MSI2: variants seen among roughly 807,000 people sequenced by gnomAD.
The protein encoded by MSI2 is musashi RNA binding protein 2, also known as RNA-binding protein Musashi homolog 2.
Under a neutral mutation model 45.6 loss-of-function variants are expected in MSI2, and 17 were observed. That is an observed-to-expected ratio of 0.37 (90% CI 0.26 to 0.56). The LOEUF (loss-of-function observed/expected upper bound fraction) is 0.56. Ranked by LOEUF, MSI2 falls within the 20% of genes least tolerant of loss-of-function variation. MSI2 has a pLI of 0.77. For synonymous variants in MSI2, 156 were observed against 158.2 expected (o/e 0.99, Z 0.11); for missense variants, 293 against 444.2 (o/e 0.66, Z 3.06).
chr17:57,267,872 T>C (rs563480675), intron 5 of MSI2: 1 of 152,306 alleles, frequency 6.6e-6, no homozygotes, highest in African/African-American at 2.4e-5. Flanking sequence ...CTTCTAGTTT[T>C]TGCTGCCTTG....
intron 9 of MSI2, among the ~76,000 whole-genome samples, chr17:57,622,376 CT>C (rs1163358091): frequency 6.6e-6 from 1 of 152,230 alleles, no homozygotes; most frequent in African/African-American, 2.4e-5. Flanking sequence ...TTTTATTTCT[CT>C]GAGCCTTCTC....
At chr17:57,298,625 C>T (rs1009981673) in intron 5 of MSI2, among the ~76,000 whole-genome samples, 3 of 152,036 alleles carry the variant, frequency 2.0e-5, no homozygotes, top group African/African-American at 7.3e-5. Flanking sequence ...TGCACCGTTG[C>T]ATTCTAGCCT....
intron 5 of MSI2, among the ~76,000 whole-genome samples, chr17:57,338,175 C>T (rs1397405596): frequency 6.6e-6 from 1 of 152,056 alleles, no homozygotes; most frequent in African/African-American, 2.4e-5. Context: ...CTACAACCTC[C>T]ACCTCCTGGG....
intron 5 of MSI2, among the ~76,000 whole-genome samples, chr17:57,282,308 A>G (rs893228957): frequency 2.6e-5 from 4 of 152,196 alleles, no homozygotes; most frequent in Non-Finnish European, 5.9e-5. Flanking sequence ...TCAGGAATCC[A>G]GAAGTTTCTA....
At chr17:57,632,233 G>GGT in intron 10 of MSI2, 1 of 1,100,400 alleles carries the variant, frequency 9.1e-7, no homozygotes, top group Non-Finnish European at 1.1e-6. Flanking sequence ...TTGAAGTGCT[G>GGT]GTGGTCCAGA....
chr17:57,600,317 A>G (rs1371695514), intron 8 of MSI2, among the ~76,000 whole-genome samples: 1 of 152,194 alleles, frequency 6.6e-6, no homozygotes, highest in Non-Finnish European at 1.5e-5. Context: ...AGATAGCTGC[A>G]CCCCCTGGTA....
chr17:57,587,306 C>CT (rs1904386683), intron 7 of MSI2, among the ~76,000 whole-genome samples: 1 of 152,192 alleles, frequency 6.6e-6, no homozygotes, highest in South Asian at 2.1e-4. Flanking sequence ...TGGCGCCTGA[C>CT]TTTTAGAAGG....
intron 10 of MSI2, chr17:57,629,364 G>C (rs1397088239): frequency 1.3e-5 from 2 of 150,266 alleles, no homozygotes; most frequent in Non-Finnish European, 3.0e-5. Context: ...AGGAGGCAGA[G>C]GTTGCAGTGA....
At chr17:57,466,511 C>T (rs1169436684) in intron 6 of MSI2, among the ~76,000 whole-genome samples, 1 of 152,186 alleles carries the variant, frequency 6.6e-6, no homozygotes, top group Non-Finnish European at 1.5e-5. Flanking sequence ...AGGTTTTTCC[C>T]ACTTACTTCT....
At chr17:57,655,415 T>C (rs939977583) in intron 11 of MSI2, among the ~76,000 whole-genome samples, 2 of 152,088 alleles carry the variant, frequency 1.3e-5, no homozygotes, top group African/African-American at 4.8e-5. Context: ...ATATTCAGGG[T>C]ATTTTAGTTT....
At position 57,675,040 on chromosome 17, in the gene MSI2, G is replaced by C; in HGVS notation, c.859G>C (p.Gly287Arg). The C allele has an allele frequency of 6.2e-7, 1 of 1,614,046 alleles. No individual in the cohort carries two copies. Among genetic ancestry groups the C allele is most frequent in the Non-Finnish European group, 8.5e-7 (1 of 1,180,024 alleles). Residue 287 changes from glycine (G) to arginine (R), a missense_variant, in exon 12 of 14, where the codon GGC becomes CGC. By Grantham distance (125) the Gly-to-Arg change is moderately radical (BLOSUM62 -2). Transcript: ENST00000284073. ...NSPGPVADLYGPASQDSGVGN... is the reference protein window; with the variant it reads ...NSPGPVADLYRPASQDSGVGN... Reference sequence around the variant, plus strand: ...CCCAGGACCTGTCGCCGATCTCTACGGCCCTGCCAGCCAGGACTCCGGAGT... The same window carrying C: ...CCCAGGACCTGTCGCCGATCTCTACCGCCCTGCCAGCCAGGACTCCGGAGT...
chr17:57,530,545 C>T (rs780395375), intron 7 of MSI2, among the ~76,000 whole-genome samples: 5 of 152,162 alleles, frequency 3.3e-5, no homozygotes, highest in Non-Finnish European at 7.3e-5. Flanking sequence ...TCCGGAAGCT[C>T]AGGTTTCTGG....
chr17:57,529,611 A>G lies in MSI2; in HGVS notation c.406-65A>G. The G allele has an allele frequency of 4.8e-6, 7 of 1,445,828 alleles. No homozygotes were observed. Among genetic ancestry groups the G allele is most frequent in the South Asian group, 1.2e-5 (1 of 86,660 alleles). The allele number at this position is 1,445,828 out of a possible 1,614,324, so 89.6% of individuals were successfully genotyped here. A position where few individuals can be genotyped will look rare whatever the true frequency, so the allele number is the denominator to read the frequency against. ...ACTACCCCCTCACCCCCCGACATGC[A>G]TATAATGTTTTGTGTACTTTCTTAA... On this transcript the variant is annotated intron_variant, in intron 6 of 13. Coordinates refer to ENST00000284073, the MANE Select transcript of MSI2 (RefSeq NM_138962.4). The surrounding 1 kb of genome is among the most constrained non-coding windows in gnomAD (Gnocchi z 5.3).
chr17:57,610,430 C>T (rs1190220603), intron 8 of MSI2, among the ~76,000 whole-genome samples: 1 of 151,278 alleles, frequency 6.6e-6, no homozygotes, highest in Non-Finnish European at 1.5e-5. Context: ...CCAGCCTGAG[C>T]GACACAGCAA....
At chr17:57,277,144 C>T (rs977009114) in intron 5 of MSI2, among the ~76,000 whole-genome samples, 2 of 151,394 alleles carry the variant, frequency 1.3e-5, no homozygotes, top group Non-Finnish European at 2.9e-5. Flanking sequence ...CAGCCTCCGC[C>T]TCCTGGGTTC....
At chr17:57,368,412 TG>T in intron 5 of MSI2, among the ~76,000 whole-genome samples, 1 of 152,024 alleles carries the variant, frequency 6.6e-6, no homozygotes, top group Non-Finnish European at 1.5e-5. Context: ...AAAAATTAGC[TG>T]GTCATGGTGG....
chr17:57,451,465 C>T (rs1018083507), intron 6 of MSI2, among the ~76,000 whole-genome samples: 1 of 152,206 alleles, frequency 6.6e-6, no homozygotes, highest in Non-Finnish European at 1.5e-5. Flanking sequence ...ATCAGCCCAT[C>T]GTGGGCTCCC....
Position 57,596,725 on chromosome 17 carries a change from TCAAGGTCCTCC to T in MSI2, c.455-137_455-127del. 1.6e-6 allele frequency: 1 copy of T among 635,150 alleles called. No individual in the cohort carries two copies. Among genetic ancestry groups the T allele is most frequent in the Non-Finnish European group, 2.8e-6 (1 of 354,808 alleles). 39.3% of individuals were successfully genotyped at this position (635,150 alleles called of 1,614,324 possible). A position where few individuals can be genotyped will look rare whatever the true frequency, so the allele number is the denominator to read the frequency against. On this transcript the variant is annotated intron_variant, in intron 7 of 13. Coordinates refer to ENST00000284073, the MANE Select transcript of MSI2 (RefSeq NM_138962.4). This position sits in a 1 kb window ranked among gnomAD's most constrained non-coding sequence, Gnocchi z 4.6. ...AAATTAGAAATCATTGCCTCCAACC[TCAAGGTCCTCC>T]CAAGGATCCGCCTACCTACCCCCAG... is the stretch of plus-strand genomic sequence containing the variant.
intron 5 of MSI2, among the ~76,000 whole-genome samples, chr17:57,389,346 C>T (rs2083744885): frequency 1.3e-5 from 2 of 152,208 alleles, no homozygotes; most frequent in Non-Finnish European, 2.9e-5. Context: ...GAGATTCAGC[C>T]TTCCCGTTGG....
Sources: allele counts gnomAD v4.1 joint callset (sites outside exome capture counted in the v4.1 genomes callset), GRCh38; gene constraint gnomAD v4.1.1; non-coding constraint Gnocchi (gnomAD v3.1); transcripts MANE v1.5; gene names NCBI Gene and HGNC (gene_info 2026-07-23, HGNC 2026-07-21).